CCDC149: variants seen among roughly 807,000 people sequenced by gnomAD.
CCDC149 encodes coiled-coil domain-containing protein 149.
In CCDC149, 45 loss-of-function variants were observed where a neutral mutation model predicts 59.9. The ratio of observed to expected loss-of-function variants is 0.75; its 90% CI spans 0.59 to 0.96. The LOEUF (loss-of-function observed/expected upper bound fraction) is 0.96. CCDC149 is among the 40% of genes least tolerant of loss of function. CCDC149 has a pLI of 0.00. For missense variants in CCDC149, 584 were observed against 664.7 expected (o/e 0.88, Z 1.33); for synonymous variants, 245 against 260.6 (o/e 0.94, Z 0.58).
intron 1 of CCDC149, among the ~76,000 whole-genome samples, chr4:24,883,184 G>C (rs1250245394): frequency 1.4e-5 from 2 of 141,902 alleles, no homozygotes; most frequent in Non-Finnish European, 3.1e-5. Context: ...TATATTAGTT[G>C]CAACCCTTGT....
At chr4:24,873,161 A>G (rs1719156245) in intron 3 of CCDC149, among the ~76,000 whole-genome samples, 1 of 149,938 alleles carries the variant, frequency 6.7e-6, no homozygotes, top group Non-Finnish European at 1.5e-5. Context: ...CCCACAGAAC[A>G]GTATGCACCC....
chr4:24,885,505 C>T (rs968286927), intron 1 of CCDC149, among the ~76,000 whole-genome samples: 2 of 152,166 alleles, frequency 1.3e-5, no homozygotes, highest in African/African-American at 4.8e-5. Flanking sequence ...AGACAGGGTG[C>T]TACCCAGGCA....
intron 2 of CCDC149, among the ~76,000 whole-genome samples, chr4:24,875,738 TAG>T (rs1005771978): frequency 1.3e-5 from 2 of 152,138 alleles, no homozygotes; most frequent in Non-Finnish European, 2.9e-5. Context: ...GACTGAGCAA[TAG>T]AGTCTCCTAT....
intron 3 of CCDC149, among the ~76,000 whole-genome samples, chr4:24,860,696 T>G (rs1718322506): frequency 6.6e-6 from 1 of 152,090 alleles, no homozygotes. Context: ...AAACTATGCA[T>G]CCAACAAAGG....
intron 4 of CCDC149, among the ~76,000 whole-genome samples, chr4:24,850,008 T>TG (rs1577408293): frequency 6.6e-6 from 1 of 152,198 alleles, no homozygotes; most frequent in East Asian, 1.9e-4. Context: ...CTGGGGTTAG[T>TG]CCCCCCTCTG....
At chr4:24,904,877 G>T (rs1448778719) in intron 1 of CCDC149, among the ~76,000 whole-genome samples, 1 of 152,080 alleles carries the variant, frequency 6.6e-6, no homozygotes, top group African/African-American at 2.4e-5. Context: ...TAAAAATTCA[G>T]ATTGTTTCTT....
At chr4:24,967,768 G>A (rs1012568303) in intron 1 of CCDC149, among the ~76,000 whole-genome samples, 11 of 151,820 alleles carry the variant, frequency 7.2e-5, no homozygotes, top group Middle Eastern at 3.4e-3. Context: ...AAGTGGCGGC[G>A]CCCCTCTTGC....
Position 24,920,738 on chromosome 4 carries a change from C to T in CCDC149, c.-64-25620G>A, listed in dbSNP as rs190752581. ...TTACCACGAATTATTCTTCTATGTC[C>T]TGTTTGGAAAAAATATATATTACAC... On this transcript the variant is annotated intron_variant, in intron 1 of 12. Coordinates refer to the CCDC149 transcript ENST00000389609. Among the ~76,000 whole-genome samples the T allele has an allele frequency of 3.3e-5, 5 of 152,330 alleles. No individual in the cohort carries two copies. The East Asian group carries it at 5.8e-4, about 18-fold the overall frequency.
At chr4:24,882,724 A>T (rs1719920813) in intron 1 of CCDC149, among the ~76,000 whole-genome samples, 1 of 152,162 alleles carries the variant, frequency 6.6e-6, no homozygotes, top group Non-Finnish European at 1.5e-5. Context: ...ATGACATATA[A>T]TATACAGTGT....
At chr4:24,904,065 G>A (rs1408852408) in intron 1 of CCDC149, among the ~76,000 whole-genome samples, 1 of 152,142 alleles carries the variant, frequency 6.6e-6, no homozygotes, top group Non-Finnish European at 1.5e-5. Flanking sequence ...CTCCCAAAGT[G>A]CTGCGATTAC....
chr4:24,836,226 G>A (rs1716509819), intron 7 of CCDC149, among the ~76,000 whole-genome samples: 1 of 152,244 alleles, frequency 6.6e-6, no homozygotes, highest in Non-Finnish European at 1.5e-5. Flanking sequence ...AACAGCCACA[G>A]AAGGAGCTCT....
intron 3 of CCDC149, among the ~76,000 whole-genome samples, chr4:24,863,736 C>T (rs1392867828): frequency 6.6e-6 from 1 of 152,230 alleles, no homozygotes; most frequent in African/African-American, 2.4e-5. Flanking sequence ...GGTTATGCCC[C>T]TTCCTTATTT....
downstream of CCDC149, among the ~76,000 whole-genome samples, chr4:24,803,933 T>G (rs1026337029): frequency 1.3e-5 from 2 of 152,228 alleles, no homozygotes; most frequent in African/African-American, 4.8e-5. The surrounding 1 kb of genome is among the most constrained non-coding windows in gnomAD (Gnocchi z 4.3). Context: ...GAGACGGGTC[T>G]TTCCTATTTT....
At chr4:24,955,557 A>G (rs1237917081) in intron 1 of CCDC149, among the ~76,000 whole-genome samples, 2 of 152,248 alleles carry the variant, frequency 1.3e-5, no homozygotes, top group Non-Finnish European at 2.9e-5. Context: ...ACACTGACAC[A>G]TACTACAACA....
At chr4:24,887,011 C>T (rs1720222991) in intron 1 of CCDC149, among the ~76,000 whole-genome samples, 1 of 151,954 alleles carries the variant, frequency 6.6e-6, no homozygotes, top group African/African-American at 2.4e-5. Context: ...TAAAGCAGAG[C>T]TTACAACTCA....
chr4:24,969,618 C>T (rs760227280), intron 1 of CCDC149, among the ~76,000 whole-genome samples: 5 of 152,188 alleles, frequency 3.3e-5, no homozygotes, highest in African/African-American at 9.7e-5. Flanking sequence ...TAACCTTGAA[C>T]GAACGGCCAC....
At chr4:24,876,195 C>T (rs997057004) in intron 2 of CCDC149, among the ~76,000 whole-genome samples, 1 of 151,850 alleles carries the variant, frequency 6.6e-6, no homozygotes, top group Non-Finnish European at 1.5e-5. Flanking sequence ...CACTGGGGAT[C>T]TTGAAACTTG....
At chr4:24,952,422 T>C (rs1479778136) in intron 1 of CCDC149, among the ~76,000 whole-genome samples, 1 of 151,184 alleles carries the variant, frequency 6.6e-6, no homozygotes, top group African/African-American at 2.4e-5. Flanking sequence ...TGAAACCCCA[T>C]CTCTACTAAA....
chr4:24,868,728 T>C (rs1718847303), intron 3 of CCDC149, among the ~76,000 whole-genome samples: 1 of 152,018 alleles, frequency 6.6e-6, no homozygotes, highest in Non-Finnish European at 1.5e-5. Context: ...AGCTCAGGGA[T>C]CTGGGTCTGC....
Sources: allele counts gnomAD v4.1 joint callset (sites outside exome capture counted in the v4.1 genomes callset), GRCh38; gene constraint gnomAD v4.1.1; non-coding constraint Gnocchi (gnomAD v3.1); transcripts MANE v1.5; gene names NCBI Gene and HGNC (gene_info 2026-07-23, HGNC 2026-07-21).